ATP5MF: variants seen among roughly 807,000 people sequenced by gnomAD.
ATP5MF encodes ATP synthase membrane subunit f.
In ATP5MF, 10 loss-of-function variants were observed where a neutral mutation model predicts 13.8. The observed-to-expected ratio is 0.72, with a 90% confidence interval of 0.45 to 1.23. The LOEUF (loss-of-function observed/expected upper bound fraction) is 1.23. Among genes scored for constraint, ATP5MF ranks in the 50% most tolerant of loss-of-function variants. The pLI is 0.00. For synonymous variants in ATP5MF, 40 were observed against 45.8 expected, an observed-to-expected ratio of 0.87 and a Z score of 0.51; for missense variants, 122 against 118.2, an observed-to-expected ratio of 1.03 and a Z score of -0.15.
At chr7:99,460,061 T>C (rs1207046510) in intron 2 of ATP5MF, 25 bp downstream of exon 2, 1 of 1,583,066 alleles carries the variant, frequency 6.3e-7, no homozygotes, top group Non-Finnish European at 8.6e-7. Flanking sequence ...TTGCTTTCAT[T>C]TACAGACATC....
intron 1 of ATP5MF, among the ~76,000 whole-genome samples, chr7:99,464,468 C>A (rs1798753760): frequency 6.6e-6 from 1 of 151,800 alleles, no homozygotes; most frequent in South Asian, 2.1e-4. Context: ...TCGAGACCAT[C>A]CTGGCTAACA....
intron 1 of ATP5MF, among the ~76,000 whole-genome samples, chr7:99,463,128 G>A (rs941690300): frequency 3.3e-5 from 5 of 152,150 alleles, no homozygotes; most frequent in African/African-American, 7.2e-5. Flanking sequence ...CTGAAGGTGC[G>A]AATATCCCCA....
At chr7:99,459,111 T>C in intron 3 of ATP5MF, 36 bp downstream of exon 3, 2 of 1,520,110 alleles carry the variant, frequency 1.3e-6, no homozygotes, top group East Asian at 2.3e-5. Flanking sequence ...CACCCTCTCA[T>C]GGGAACTAAA....
At position 99,458,803 on chromosome 7, in the gene ATP5MF, C is replaced by T. The variant is rs559773219; in HGVS notation, c.256+344G>A. 4.3e-4 allele frequency: 138 copies of T among 320,556 alleles called. 1 individual carries two copies. The highest frequency in any genetic ancestry group is 1.7e-5 in the Non-Finnish European group (3 of 171,918). 19.9% of individuals were successfully genotyped at this position (320,556 alleles called of 1,614,324 possible). A position where few individuals can be genotyped will look rare whatever the true frequency, so the allele number is the denominator to read the frequency against. On this transcript the variant is annotated intron_variant, in intron 3 of 3. Coordinates refer to ENST00000292475, the MANE Select transcript of ATP5MF (RefSeq NM_004889.5). ...GGAACAGCCATGCTTTTCTGGGGTA[C>T]CAGATTATCCCACTCAACTCATTTC... is the stretch of plus-strand genomic sequence containing the variant.
Position 99,459,130 on chromosome 7 carries a change from G to T in ATP5MF, c.256+17C>A. 6.3e-7 allele frequency: 1 copy of T among 1,592,838 alleles called. No individual in the cohort carries two copies. The highest frequency in any genetic ancestry group is 8.6e-7 in the Non-Finnish European group (1 of 1,162,044). ...CTCTCATGGGAACTAAAGGCAAGAC[G>T]CCGCAGAGGCACTCACTGAGATGCT... On this transcript the variant is annotated intron_variant, in intron 3 of 3. Coordinates refer to ENST00000292475, the MANE Select transcript of ATP5MF (RefSeq NM_004889.5).
intron 2 of ATP5MF, 185 bp downstream of exon 2, chr7:99,459,901 G>GCCAGCCTTTGAAAGGGCCAATCAA: frequency 1.6e-6 from 1 of 642,446 alleles, no homozygotes; most frequent in Non-Finnish European, 2.7e-6. Flanking sequence ...ATATCTCAGA[G>GCCAGCCTTTGAAAGGGCCAATCAA]CCAGCCTTTG....
chr7:99,458,563 C>G (rs542576119), intron 3 of ATP5MF, among the ~76,000 whole-genome samples: 1 of 152,178 alleles, frequency 6.6e-6, no homozygotes, highest in Non-Finnish European at 1.5e-5. Flanking sequence ...TGGCCAACCA[C>G]TTTCTTTCCA....
At chr7:99,465,496 C>T (rs1239146502) in intron 1 of ATP5MF, among the ~76,000 whole-genome samples, 2 of 152,164 alleles carry the variant, frequency 1.3e-5, no homozygotes, top group African/African-American at 4.8e-5. Context: ...TCAGTGTGCA[C>T]AGCGGGATGA....
intron 2 of ATP5MF, 97 bp from the exon 3 acceptor site, chr7:99,459,360 C>A: frequency 1.1e-6 from 1 of 883,162 alleles, no homozygotes; most frequent in Non-Finnish European, 1.9e-6. Flanking sequence ...GGACCTAGTC[C>A]TGCTCTGGCT....
At chr7:99,465,577 C>A (rs552730006) in intron 1 of ATP5MF, among the ~76,000 whole-genome samples, 1 of 152,156 alleles carries the variant, frequency 6.6e-6, no homozygotes, top group Admixed American at 6.5e-5. Flanking sequence ...GAATAAAGTT[C>A]ATTTACCACG....
chr7:99,459,011 C>A (rs1003035772), intron 3 of ATP5MF, 136 bp downstream of exon 3: 7 of 642,772 alleles, frequency 1.1e-5, no homozygotes, highest in African/African-American at 1.8e-5. Context: ...CCCTCCAATT[C>A]TTTTAGGTGG....
intron 1 of ATP5MF, chr7:99,460,588 G>C (rs1798556104): frequency 2.0e-6 from 1 of 496,288 alleles, no homozygotes; most frequent in Non-Finnish European, 4.0e-6. Context: ...AAGGAGGGGA[G>C]GGGGGATAGA....
chr7:99,461,043 A>G (rs1293213783), intron 1 of ATP5MF, among the ~76,000 whole-genome samples: 1 of 152,196 alleles, frequency 6.6e-6, no homozygotes, highest in East Asian at 1.9e-4. Flanking sequence ...GTCTGAGAAC[A>G]AGGAATCAGA....
intron 3 of ATP5MF, among the ~76,000 whole-genome samples, chr7:99,458,685 A>G (rs1728288086): frequency 6.6e-6 from 1 of 152,072 alleles, no homozygotes; most frequent in Non-Finnish European, 1.5e-5. Context: ...TAGGGGGTGT[A>G]CACTACACTG....
At chr7:99,465,188 G>A (rs1004455492) in intron 1 of ATP5MF, among the ~76,000 whole-genome samples, 2 of 151,382 alleles carry the variant, frequency 1.3e-5, no homozygotes, top group Admixed American at 6.6e-5. Flanking sequence ...GAACCCAGGA[G>A]GCAAAGGTTA....
chr7:99,462,817 C>T (rs74516408), intron 1 of ATP5MF, among the ~76,000 whole-genome samples: 5,454 of 152,294 alleles, frequency 0.036, 130 homozygotes, highest in Non-Finnish European at 0.056. Context: ...CAAAGGAAGG[C>T]CTCAGTCCTT....
intron 1 of ATP5MF, among the ~76,000 whole-genome samples, chr7:99,461,796 T>G (rs758326871): frequency 6.6e-6 from 1 of 151,846 alleles, no homozygotes; most frequent in Non-Finnish European, 1.5e-5. Context: ...TAGCTGGGAC[T>G]ACAGGCATGC....
intron 1 of ATP5MF, among the ~76,000 whole-genome samples, chr7:99,464,293 A>G (rs1798745786): frequency 6.6e-6 from 1 of 152,210 alleles, no homozygotes; most frequent in African/African-American, 2.4e-5. Flanking sequence ...TATTATGCCC[A>G]TTTTACTGAG....
chr7:99,463,892 C>T (rs1798725891), intron 1 of ATP5MF, among the ~76,000 whole-genome samples: 1 of 152,190 alleles, frequency 6.6e-6, no homozygotes, highest in South Asian at 2.1e-4. Context: ...GTTTGCCAAC[C>T]GCGATCTTAT....
Sources: gnomAD v4.1 joint callset for allele counts (sites outside exome capture counted in the v4.1 genomes callset) on GRCh38, gnomAD v4.1.1 for gene constraint, MANE v1.5 for transcripts, NCBI Gene and HGNC (gene_info 2026-07-23, HGNC 2026-07-21) for gene names.